SLIT3: variants seen among roughly 807,000 people sequenced by gnomAD.
SLIT3 encodes slit guidance ligand 3, also known as slit homolog 3 protein.
SLIT3 carries 68 observed loss-of-function variants against 184.0 expected under a neutral mutation model. The ratio of observed to expected loss-of-function variants is 0.37; its 90% CI spans 0.30 to 0.45. SLIT3 has a LOEUF of 0.45. Ranked by LOEUF, SLIT3 falls within the 20% of genes least tolerant of loss-of-function variation. The pLI, the probability that SLIT3 is intolerant of heterozygous loss-of-function variation, is 1.00. For synonymous variants in SLIT3, 831 were observed against 828.6 expected (o/e 1.00, Z -0.05); for missense variants, 1,707 against 2,026.0 (o/e 0.84, Z 3.02).
At chr5:168,947,508 A>C (rs1438186202) in intron 4 of SLIT3, among the ~76,000 whole-genome samples, 1 of 152,182 alleles carries the variant, frequency 6.6e-6, no homozygotes, top group South Asian at 2.1e-4. Context: ...GCATAGGAAG[A>C]AAAAAAACAG....
chr5:169,195,541 G>T (rs901613057), intron 3 of SLIT3, among the ~76,000 whole-genome samples: 1 of 152,146 alleles, frequency 6.6e-6, no homozygotes. Context: ...GTTTTGTTTT[G>T]TTTGAGACGG....
chr5:169,234,328 C>A (rs749082147), intron 3 of SLIT3, among the ~76,000 whole-genome samples: 8 of 152,152 alleles, frequency 5.3e-5, no homozygotes, highest in Non-Finnish European at 7.3e-5. Context: ...CATTTCCGCA[C>A]CAACTTCTAG....
chr5:169,120,842 A>C (rs1760849019), intron 4 of SLIT3, among the ~76,000 whole-genome samples: 1 of 152,196 alleles, frequency 6.6e-6, no homozygotes, highest in Admixed American at 6.5e-5. Context: ...CCCATATCCC[A>C]GCTAACTTCC....
chr5:169,234,272 G>A (rs1765113391), intron 3 of SLIT3, among the ~76,000 whole-genome samples: 1 of 152,130 alleles, frequency 6.6e-6, no homozygotes, highest in Non-Finnish European at 1.5e-5. Flanking sequence ...GGTCATGAAG[G>A]GCATGTCACT....
chr5:168,728,627 A>T (rs1486508002), intron 20 of SLIT3, among the ~76,000 whole-genome samples: 1 of 152,152 alleles, frequency 6.6e-6, no homozygotes, highest in African/African-American at 2.4e-5. Flanking sequence ...TAAAAAAAAT[A>T]AAAAAGCCAA....
intron 4 of SLIT3, among the ~76,000 whole-genome samples, chr5:169,137,327 C>G (rs960142424): frequency 1.4e-3 from 122 of 87,298 alleles, no homozygotes; most frequent in Non-Finnish European, 2.4e-3. Flanking sequence ...CACACACACA[C>G]ACACACACAG....
intron 4 of SLIT3, among the ~76,000 whole-genome samples, chr5:168,942,576 C>T (rs1762362985): frequency 6.6e-6 from 1 of 152,148 alleles, no homozygotes; most frequent in African/African-American, 2.4e-5. Flanking sequence ...TACACAGAAA[C>T]CTCTCTGTTT....
At chr5:168,876,688 A>T (rs1227625055) in intron 5 of SLIT3, among the ~76,000 whole-genome samples, 1 of 152,202 alleles carries the variant, frequency 6.6e-6, no homozygotes, top group Non-Finnish European at 1.5e-5. Flanking sequence ...GCTTCCACAT[A>T]TAGTTGTCCT....
Position 168,848,118 on chromosome 5 carries a change from C to T in SLIT3, c.486-3463G>A, listed in dbSNP as rs540742507. ...TCTTATCATGCAACATAACTTACCC[C>T]AGTGCCTAGCGCAGTGCCAGCCACT... On this transcript the variant is annotated intron_variant, in intron 5 of 35. Coordinates refer to ENST00000519560, the MANE Select transcript of SLIT3 (RefSeq NM_003062.4). Among the ~76,000 whole-genome samples the T allele has an allele frequency of 1.2e-3, 185 of 152,338 alleles. 1 individual carries two copies. The highest frequency in any genetic ancestry group is 6.8e-3 in the Middle Eastern group (2 of 294).
At position 169,278,455 on chromosome 5, in the gene SLIT3, C is replaced by T. The variant is rs7728186; in HGVS notation, c.197+22058G>A. 6.4e-4 allele frequency among the ~76,000 whole-genome samples: 97 copies of T among 152,246 alleles called. No individual in the cohort carries two copies. The East Asian group carries it at 0.014, about 22-fold the overall frequency. On this transcript the variant is annotated intron_variant, in intron 1 of 35. Coordinates refer to ENST00000519560, the MANE Select transcript of SLIT3 (RefSeq NM_003062.4). ...GGGAAAACTATTCATCCCCTCTGTG[C>T]GTTAACTTGGACTTAATCCTATTCT...
At chr5:168,795,908 C>T (rs760221763) in intron 9 of SLIT3, among the ~76,000 whole-genome samples, 6 of 152,016 alleles carry the variant, frequency 3.9e-5, no homozygotes, top group South Asian at 2.1e-4. Context: ...AAGCAGAATG[C>T]GGAATAAGTC....
intron 4 of SLIT3, among the ~76,000 whole-genome samples, chr5:169,085,087 G>A (rs1218189783): frequency 6.6e-6 from 1 of 152,154 alleles, no homozygotes; most frequent in African/African-American, 2.4e-5. Context: ...ATTCCTACTG[G>A]GTTACCAACC....
At chr5:169,250,507 G>A (rs887930234) in intron 2 of SLIT3, among the ~76,000 whole-genome samples, 1 of 152,162 alleles carries the variant, frequency 6.6e-6, no homozygotes, top group East Asian at 1.9e-4. Flanking sequence ...CAGGACCAGA[G>A]CCTGGTACTT....
At chr5:169,112,154 G>T (rs1760434620) in intron 4 of SLIT3, among the ~76,000 whole-genome samples, 1 of 152,224 alleles carries the variant, frequency 6.6e-6, no homozygotes, top group Non-Finnish European at 1.5e-5. Context: ...AGATGCCCCA[G>T]CCTGAAGGCT....
intron 1 of SLIT3, among the ~76,000 whole-genome samples, chr5:169,282,408 C>T (rs1052981918): frequency 2.0e-5 from 3 of 152,158 alleles, no homozygotes; most frequent in South Asian, 2.1e-4. Flanking sequence ...CTCCTGGGTC[C>T]TGGTCCAGGT....
chr5:168,899,444 T>C lies in SLIT3; in HGVS notation c.414-16108A>G, dbSNP rs181395449. 2.1e-3 allele frequency among the ~76,000 whole-genome samples: 323 copies of C among 152,112 alleles called. 3 individuals carry two copies. The highest frequency in any genetic ancestry group is 7.4e-3 in the African/African-American group (309 of 41,492). On this transcript the variant is annotated intron_variant, in intron 4 of 35. Transcript: ENST00000519560. ...CAAGAGGATCACTCAAACCCAGGCG[T>C]TTGAGGTTACAATGAGCTGTGATCA...
At chr5:169,051,220 T>C (rs1353297592) in intron 4 of SLIT3, among the ~76,000 whole-genome samples, 2 of 151,628 alleles carry the variant, frequency 1.3e-5, no homozygotes, top group Non-Finnish European at 2.9e-5. Context: ...GGAAGGAAAG[T>C]GAAAGCCAAC....
At chr5:168,854,643 G>A (rs1758793211) in intron 5 of SLIT3, among the ~76,000 whole-genome samples, 1 of 152,172 alleles carries the variant, frequency 6.6e-6, no homozygotes, top group Non-Finnish European at 1.5e-5. Context: ...TTTGCTCCAG[G>A]CAAAAGTGGT....
At chr5:169,137,335 C>CACACAGAG (rs368371904) in intron 4 of SLIT3, among the ~76,000 whole-genome samples, 43 of 138,658 alleles carry the variant, frequency 3.1e-4, no homozygotes, top group African/African-American at 9.0e-4. Context: ...CACACACACA[C>CACACAGAG]AGAGAGAGAG....
Sources: gnomAD v4.1 joint callset for allele counts (sites outside exome capture counted in the v4.1 genomes callset) on GRCh38, gnomAD v4.1.1 for gene constraint, MANE v1.5 for transcripts, NCBI Gene and HGNC (gene_info 2026-07-23, HGNC 2026-07-21) for gene names.